Variants in RNLS observed in about 807,000 individuals in gnomAD.
RNLS encodes renalase, FAD dependent amine oxidase, also known as renalase.
RNLS carries 39 observed loss-of-function variants against 39.8 expected under a neutral mutation model. That is an observed-to-expected ratio of 0.98 (90% CI 0.76 to 1.28). The LOEUF is 1.28. Ranked by LOEUF, RNLS falls within the 50% of genes most tolerant of loss-of-function variation. The pLI is 0.00. For synonymous variants in RNLS, 147 were observed against 150.7 expected, an observed-to-expected ratio of 0.98 and a Z score of 0.18; for missense variants, 410 against 413.3, an observed-to-expected ratio of 0.99 and a Z score of 0.07.
chr10:88,309,354 T>G, intron 6 of RNLS: 1 of 1,208,884 alleles, frequency 8.3e-7, no homozygotes, highest in Non-Finnish European at 1.1e-6. Context: ...ACCACCTGAC[T>G]TTTCAATGCT....
the RNLS span, among the ~76,000 whole-genome samples, chr10:88,199,226 C>T: frequency 0.14 from 21,408 of 152,110 alleles, 1,753 homozygotes; most frequent in African/African-American, 0.22. Context: ...GAGGGAGACA[C>T]TGCTGTGCGG....
chr10:88,343,438 G>T (rs187297546), intron 5 of RNLS: 62 of 672,376 alleles, frequency 9.2e-5, no homozygotes, highest in Admixed American at 1.9e-4. Flanking sequence ...AAAGATGGGG[G>T]AGGAAAAAGT....
chr10:88,480,787 T>TG (rs1844112124), intron 4 of RNLS, among the ~76,000 whole-genome samples: 6 of 147,540 alleles, frequency 4.1e-5, no homozygotes, highest in Non-Finnish European at 9.0e-5. Context: ...TCCTGTGTCT[T>TG]TGTGTGTGTG....
At chr10:88,366,663 GAAAAAAAA>G (rs774157650) in intron 4 of RNLS, among the ~76,000 whole-genome samples, 10 of 25,838 alleles carry the variant, frequency 3.9e-4, no homozygotes, top group Admixed American at 2.6e-3. Flanking sequence ...TAAGTTTTCT[GAAAAAAAA>G]AAAAAAAAAA....
chr10:88,272,868 C>T (rs1842686894), downstream of RNLS, among the ~76,000 whole-genome samples: 1 of 152,084 alleles, frequency 6.6e-6, no homozygotes, highest in Admixed American at 6.5e-5. Context: ...GGTGTAGAAA[C>T]TTTGTCTCGC....
At chr10:88,531,809 G>C (rs1564877549) in intron 4 of RNLS, among the ~76,000 whole-genome samples, 1 of 151,958 alleles carries the variant, frequency 6.6e-6, no homozygotes, top group Non-Finnish European at 1.5e-5. Context: ...TTTTTGCTCT[G>C]GTGTAGAATT....
the RNLS span, among the ~76,000 whole-genome samples, chr10:88,264,822 A>G: frequency 6.6e-6 from 1 of 152,210 alleles, no homozygotes; most frequent in Non-Finnish European, 1.5e-5. Context: ...TTTGCTGTGC[A>G]CAAACTTACC....
chr10:88,243,239 A>G, the RNLS span, among the ~76,000 whole-genome samples: 1 of 152,222 alleles, frequency 6.6e-6, no homozygotes, highest in East Asian at 1.9e-4. Flanking sequence ...GATAAATTCA[A>G]ATTTACAAGA....
intron 5 of RNLS, among the ~76,000 whole-genome samples, chr10:88,340,062 C>A (rs1847822329): frequency 6.6e-6 from 1 of 152,234 alleles, no homozygotes; most frequent in Non-Finnish European, 1.5e-5. Context: ...ATTCCAGTCA[C>A]ATCTAACTAC....
chr10:88,569,691 G>T (rs775844354), intron 4 of RNLS, among the ~76,000 whole-genome samples: 1 of 152,092 alleles, frequency 6.6e-6, no homozygotes, highest in Non-Finnish European at 1.5e-5. Flanking sequence ...TAAAAAATAA[G>T]GTCTACTGCA....
chr10:88,198,935 A>T, the RNLS span, among the ~76,000 whole-genome samples: 3 of 152,168 alleles, frequency 2.0e-5, no homozygotes, highest in Admixed American at 1.3e-4. Flanking sequence ...GTAACAAGGC[A>T]TTTTTGAAGT....
At chr10:88,572,167 A>G (rs925028732) in intron 4 of RNLS, among the ~76,000 whole-genome samples, 3 of 152,220 alleles carry the variant, frequency 2.0e-5, no homozygotes, top group African/African-American at 7.2e-5. Flanking sequence ...ATAAGCATGT[A>G]AATGACATTT....
chr10:88,521,032 A>G (rs1465980970), intron 4 of RNLS, among the ~76,000 whole-genome samples: 2 of 151,884 alleles, frequency 1.3e-5, no homozygotes, highest in African/African-American at 4.8e-5. Context: ...CCATCCAGTC[A>G]TCTTATTCCT....
At chr10:88,355,435 C>T (rs1322797351) in intron 5 of RNLS, among the ~76,000 whole-genome samples, 1 of 152,182 alleles carries the variant, frequency 6.6e-6, no homozygotes, top group Non-Finnish European at 1.5e-5. Context: ...TTCTAACAGT[C>T]AGGACCCTCA....
chr10:88,416,185 T>C (rs1854011247), intron 4 of RNLS, among the ~76,000 whole-genome samples: 1 of 150,748 alleles, frequency 6.6e-6, no homozygotes, highest in African/African-American at 2.4e-5. Flanking sequence ...TGACCTTATT[T>C]TTTCTCTTTG....
At chr10:88,283,306 T>C (rs1234581889), downstream of RNLS, among the ~76,000 whole-genome samples, 1 of 152,144 alleles carries the variant, frequency 6.6e-6, no homozygotes, top group Non-Finnish European at 1.5e-5. Flanking sequence ...CATATTGCCA[T>C]AGTCTTATAA....
In RNLS at chr10:88,310,801, CAAAAAAA is replaced by C. The variant is rs577838661; in HGVS notation, c.876+3658_876+3664del. 2.9e-3 allele frequency among the ~76,000 whole-genome samples: 57 copies of C among 19,586 alleles called. 1 individual carries two copies. Among genetic ancestry groups the C allele is most frequent in the Middle Eastern group, 0.045 (1 of 22 alleles). The allele number at this position is 19,586 out of a possible 152,430, so 12.8% of individuals were successfully genotyped here. ...TGACAGATTTAGAGCCTACCTCTGC[CAAAAAAA>C]AAAAAAAAAAAAAAAAAAAGAAAGA... On this transcript the variant is annotated intron_variant, in intron 6 of 6. Transcript: ENST00000331772.
the RNLS span, among the ~76,000 whole-genome samples, chr10:88,201,900 A>C: frequency 0.81 from 122,853 of 151,954 alleles, 50,015 homozygotes; most frequent in Middle Eastern, 0.87. Flanking sequence ...TATCAGATAA[A>C]GCCATTTTTT....
intron 4 of RNLS, among the ~76,000 whole-genome samples, chr10:88,515,045 T>G (rs1846337335): frequency 6.7e-6 from 1 of 150,104 alleles, no homozygotes; most frequent in Non-Finnish European, 1.5e-5. Context: ...TACGTGCTTT[T>G]TTAAATAATG....
Sources: allele counts gnomAD v4.1 joint callset (sites outside exome capture counted in the v4.1 genomes callset), GRCh38; gene constraint gnomAD v4.1.1; transcripts MANE v1.5; gene names NCBI Gene and HGNC (gene_info 2026-07-23, HGNC 2026-07-21).